The following PCDHA2 variants were observed in gnomAD, a reference collection of about 807,000 sequenced individuals.
PCDHA2 encodes the protein protocadherin alpha-2.
In PCDHA2, 58 loss-of-function variants were observed where a neutral mutation model predicts 66.0. The ratio of observed to expected loss-of-function variants is 0.88; its 90% CI spans 0.71 to 1.09. The LOEUF (loss-of-function observed/expected upper bound fraction) is 1.09. Among genes scored for constraint, PCDHA2 ranks in the 50% least tolerant of loss-of-function variants. The pLI, the probability that PCDHA2 is intolerant of heterozygous loss-of-function variation, is 0.00. For synonymous variants in PCDHA2, 634 were observed against 554.0 expected, an observed-to-expected ratio of 1.14 and a Z score of -2.03; for missense variants, 1,267 against 1,242.3, an observed-to-expected ratio of 1.02 and a Z score of -0.30.
intron 1 of PCDHA2, chr5:140,863,447 G>A: frequency 1.7e-6 from 1 of 575,684 alleles, no homozygotes; most frequent in Non-Finnish European, 3.3e-6. Flanking sequence ...CTTACTCGCA[G>A]CAAAGGAGAT....
At chr5:140,822,636 T>C (rs147180015) in intron 1 of PCDHA2, 177 of 1,610,778 alleles carry the variant, frequency 1.1e-4, no homozygotes, top group African/African-American at 4.4e-4. Flanking sequence ...TTCTTGACGA[T>C]GTAAAGTCCA....
At chr5:140,836,227 C>T in intron 1 of PCDHA2, 2 of 1,613,736 alleles carry the variant, frequency 1.2e-6, no homozygotes, top group South Asian at 1.1e-5. Context: ...CAACCGGTGG[C>T]GGCCGGTGCG....
At chr5:140,856,204 G>A (rs782220766) in intron 1 of PCDHA2, 2 of 1,598,000 alleles carry the variant, frequency 1.3e-6, no homozygotes, top group African/African-American at 2.7e-5. Flanking sequence ...AGGACCTGGG[G>A]CTGGAGCTGG....
At chr5:140,827,018 T>C (rs1218420283) in intron 1 of PCDHA2, among the ~76,000 whole-genome samples, 1 of 152,184 alleles carries the variant, frequency 6.6e-6, no homozygotes, top group Non-Finnish European at 1.5e-5. Context: ...TCATTAAAAA[T>C]ATGAATTTAA....
intron 1 of PCDHA2, chr5:140,816,386 T>C (rs1379079395): frequency 6.6e-6 from 1 of 152,250 alleles, no homozygotes; most frequent in African/African-American, 2.4e-5. Context: ...GCTGAAATTC[T>C]GATTCTGCTT....
At chr5:140,876,310 G>C (rs1167952130) in intron 1 of PCDHA2, 2 of 1,613,982 alleles carry the variant, frequency 1.2e-6, no homozygotes, top group Non-Finnish European at 1.7e-6. Context: ...AATTTCCTAT[G>C]GGATCAAAAT....
intron 3 of PCDHA2, among the ~76,000 whole-genome samples, chr5:140,989,980 C>T (rs1172154204): frequency 6.6e-6 from 1 of 152,012 alleles, no homozygotes; most frequent in South Asian, 2.1e-4. Context: ...AGCAACAGCC[C>T]TGCCTGAAAT....
chr5:140,871,506 A>C (rs997428507), intron 1 of PCDHA2: 2 of 1,580,864 alleles, frequency 1.3e-6, no homozygotes, highest in Admixed American at 1.8e-5. Flanking sequence ...TGAGTTTTCT[A>C]CAGATTCCAC....
intron 1 of PCDHA2, chr5:140,869,751 C>T (rs1562632987): frequency 1.2e-6 from 2 of 1,613,134 alleles, no homozygotes; most frequent in Non-Finnish European, 1.7e-6. Context: ...CAGCTACAGA[C>T]GGGGGAAAAC....
At position 140,967,577 on chromosome 5, in the gene PCDHA2, C is replaced by T. The variant is rs141338011; in HGVS notation, c.2389-11372C>T. Reference sequence around the variant, plus strand: ...TCGCGTCCAGCTACGGGAGGACTCACCCCCAGGCACATTGGTGGTGAAGCT... The same window carrying T: ...TCGCGTCCAGCTACGGGAGGACTCATCCCCAGGCACATTGGTGGTGAAGCT... On this transcript the variant is annotated intron_variant, in intron 1 of 3. Transcript: ENST00000526136. 11 of 1,614,016 alleles carry T rather than the reference C, an allele frequency of 6.8e-6. No homozygotes were observed. Among genetic ancestry groups the T allele is most frequent in the African/African-American group, 4.0e-5 (3 of 74,938 alleles).
At chr5:140,898,235 T>G (rs1386232934) in intron 1 of PCDHA2, among the ~76,000 whole-genome samples, 1 of 152,220 alleles carries the variant, frequency 6.6e-6, no homozygotes, top group Non-Finnish European at 1.5e-5. Flanking sequence ...TGCCATTGCT[T>G]TTGGTGTTTT....
chr5:140,834,127 T>C (rs1554134048), intron 1 of PCDHA2: 1 of 448,364 alleles, frequency 2.2e-6, no homozygotes, highest in African/African-American at 2.0e-5. Flanking sequence ...ATAAAACTTT[T>C]CATCTGATTA....
chr5:140,856,398 A>G, intron 1 of PCDHA2: 1 of 1,598,482 alleles, frequency 6.3e-7, no homozygotes, highest in Non-Finnish European at 8.6e-7. Flanking sequence ...CAGGTTTTCC[A>G]TGTGGACGTG....
intron 1 of PCDHA2, chr5:140,856,524 CG>C (rs2044059008): frequency 6.3e-7 from 1 of 1,598,296 alleles, no homozygotes; most frequent in African/African-American, 1.3e-5. Flanking sequence ...GCATCTGATG[CG>C]GATGTTGGAG....
At chr5:140,870,692 T>C (rs1321391908) in intron 1 of PCDHA2, 2 of 1,612,828 alleles carry the variant, frequency 1.2e-6, no homozygotes, top group African/African-American at 1.3e-5. Flanking sequence ...CTGGAGCTGC[T>C]ACAGTTCCAG....
chr5:140,796,441 T>C lies in PCDHA2; in HGVS notation c.1477T>C (p.Ser493Pro), dbSNP rs1344009372. The C allele has an allele frequency of 6.2e-7, 1 of 1,613,318 alleles. No individual in the cohort carries two copies. ...GCAGGAGAACGCGCTGGTGTCCTAC[T>C]CGCTGGTGGAGCGGCGGGTGGGCGA... Reference protein sequence around the residue: ...DAQENALVSYSLVERRVGERA... With the variant: ...DAQENALVSYPLVERRVGERA... Residue 493 changes from serine (S) to proline (P), a missense_variant, in exon 1 of 4, where the codon TCG becomes CCG. Physicochemically the swap from Ser to Pro is moderately conservative, Grantham distance 74. Coordinates refer to ENST00000526136, the MANE Select transcript of PCDHA2 (RefSeq NM_018905.3).
At chr5:140,828,511 G>C in intron 1 of PCDHA2, 1 of 1,614,248 alleles carries the variant, frequency 6.2e-7, no homozygotes, top group Non-Finnish European at 8.5e-7. Flanking sequence ...AACAAAGAGT[G>C]CTGATTTACG....
chr5:140,808,251 T>C (rs1554124470), intron 1 of PCDHA2: 3 of 1,614,234 alleles, frequency 1.9e-6, no homozygotes, highest in Non-Finnish European at 1.7e-6. Context: ...TTCAAGTCTT[T>C]ATCACTTCCA....
intron 1 of PCDHA2, chr5:140,823,746 G>C: frequency 1.2e-6 from 2 of 1,613,840 alleles, no homozygotes; most frequent in Non-Finnish European, 1.7e-6. Flanking sequence ...GAGAGCCCCC[G>C]CTGACAGCCA....
Sources: allele counts gnomAD v4.1 joint callset (sites outside exome capture counted in the v4.1 genomes callset), GRCh38; gene constraint gnomAD v4.1.1; transcripts MANE v1.5; gene names NCBI Gene and HGNC (gene_info 2026-07-23, HGNC 2026-07-21).